The following CHLSN variants were observed in gnomAD, a reference collection of about 807,000 sequenced individuals.
CHLSN encodes the protein protein cholesin.
chr7:1,037,168 A>G, the CHLSN span, among the ~76,000 whole-genome samples: 1 of 146,306 alleles, frequency 6.8e-6, no homozygotes, highest in Non-Finnish European at 1.5e-5. Context: ...AGTCTGATAA[A>G]GGGCATCTAC....
chr7:1,005,155 G>A, the CHLSN span, among the ~76,000 whole-genome samples: 1 of 152,222 alleles, frequency 6.6e-6, no homozygotes, highest in Non-Finnish European at 1.5e-5. Context: ...GCCGGGCGTG[G>A]TGTCGGATGC....
chr7:1,120,977 A>C, the CHLSN span, among the ~76,000 whole-genome samples: 1 of 152,012 alleles, frequency 6.6e-6, no homozygotes. Context: ...GACAGCCCAT[A>C]AACTATTACT....
the CHLSN span, among the ~76,000 whole-genome samples, chr7:1,088,935 C>T: frequency 2.6e-5 from 4 of 151,868 alleles, no homozygotes; most frequent in African/African-American, 7.3e-5. The surrounding 1 kb of genome is among the most constrained non-coding windows in gnomAD (Gnocchi z 4.5). Flanking sequence ...TGTCTGGCAA[C>T]GATCAAAAGA....
chr7:1,032,191 C>T, the CHLSN span, among the ~76,000 whole-genome samples: 7 of 152,230 alleles, frequency 4.6e-5, no homozygotes, highest in African/African-American at 1.7e-4. Context: ...GAACTGCTCC[C>T]GGCCCACGGG....
chr7:1,070,155 C>G, the CHLSN span, among the ~76,000 whole-genome samples: 1 of 102,956 alleles, frequency 9.7e-6, no homozygotes, highest in Non-Finnish European at 2.1e-5. Context: ...CGCCCGGCAG[C>G]TGCCCCGTCT....
At chr7:989,166 G>C in the CHLSN span, 16 of 323,688 alleles carry the variant, frequency 4.9e-5, no homozygotes, top group African/African-American at 3.4e-4. Context: ...GGGGCTGCAG[G>C]GAGACAACGG....
chr7:1,095,231 T>G, the CHLSN span, among the ~76,000 whole-genome samples: 1 of 151,932 alleles, frequency 6.6e-6, no homozygotes, highest in East Asian at 1.9e-4. Context: ...TCCCCAGGGA[T>G]GTACTCGCTC....
At chr7:1,088,543 CG>C in the CHLSN span, among the ~76,000 whole-genome samples, 1 of 152,298 alleles carries the variant, frequency 6.6e-6, no homozygotes, top group East Asian at 1.9e-4. The surrounding 1 kb of genome is among the most constrained non-coding windows in gnomAD (Gnocchi z 4.5). Context: ...TTTGCCTGGA[CG>C]GCCTTTCTAA....
the CHLSN span, among the ~76,000 whole-genome samples, chr7:1,034,456 G>A: frequency 6.6e-6 from 1 of 151,922 alleles, no homozygotes; most frequent in Non-Finnish European, 1.5e-5. Context: ...AAAGTAACAA[G>A]GATAGCTAAA....
chr7:1,123,913 C>T, the CHLSN span, among the ~76,000 whole-genome samples: 3 of 151,988 alleles, frequency 2.0e-5, no homozygotes, highest in South Asian at 2.1e-4. This position sits in a 1 kb window ranked among gnomAD's most constrained non-coding sequence, Gnocchi z 4.4. Context: ...GCCCTCTTCC[C>T]GCTGCCAGCT....
the CHLSN span, among the ~76,000 whole-genome samples, chr7:1,034,231 A>G: frequency 1.3e-5 from 2 of 152,230 alleles, no homozygotes; most frequent in Non-Finnish European, 2.9e-5. Context: ...ATGGGACTTA[A>G]ATGCTAAAAA....
At chr7:1,009,118 C>A in the CHLSN span, among the ~76,000 whole-genome samples, 1 of 152,196 alleles carries the variant, frequency 6.6e-6, no homozygotes, top group African/African-American at 2.4e-5. Flanking sequence ...AGCTGCACAG[C>A]CACACTGGGG....
chr7:1,089,457 GGCT>G, the CHLSN span, among the ~76,000 whole-genome samples: 2 of 19,938 alleles, frequency 1.0e-4, no homozygotes, highest in African/African-American at 1.1e-3. Flanking sequence ...GTGTGATCTC[GGCT>G]GAGGCTCGAG....
the CHLSN span, among the ~76,000 whole-genome samples, chr7:1,015,977 A>G: frequency 6.6e-6 from 1 of 152,130 alleles, no homozygotes; most frequent in Non-Finnish European, 1.5e-5. Flanking sequence ...CTGTCTGGGC[A>G]GGACCATCTA....
chr7:1,021,845 C>T, the CHLSN span, among the ~76,000 whole-genome samples: 54 of 152,374 alleles, frequency 3.5e-4, no homozygotes, highest in African/African-American at 8.2e-4. Flanking sequence ...CTGGGATGCG[C>T]GCCCTTCCGC....
chr7:991,059 G>GC, the CHLSN span, among the ~76,000 whole-genome samples: 1 of 152,054 alleles, frequency 6.6e-6, no homozygotes, highest in Admixed American at 6.5e-5. Flanking sequence ...GGACCCTCGG[G>GC]CCCCCGCCTT....
At chr7:1,050,063 C>T in the CHLSN span, among the ~76,000 whole-genome samples, 1 of 152,250 alleles carries the variant, frequency 6.6e-6, no homozygotes, top group Non-Finnish European at 1.5e-5. Context: ...GCCCCCTCAG[C>T]GGGCCCCACT....
chr7:987,371 G>A, the CHLSN span: 878 of 1,591,762 alleles, frequency 5.5e-4, 9 homozygotes, highest in African/African-American at 9.9e-3. Context: ...GAGCTAGACC[G>A]CGTGCTGGGC....
At chr7:1,116,695 C>T in the CHLSN span, among the ~76,000 whole-genome samples, 6 of 44,324 alleles carry the variant, frequency 1.4e-4, no homozygotes, top group African/African-American at 2.5e-4. Flanking sequence ...ATCACTACAG[C>T]TCTACGGACC....
Sources: allele counts gnomAD v4.1 joint callset (sites outside exome capture counted in the v4.1 genomes callset), GRCh38; gene constraint gnomAD v4.1.1; non-coding constraint Gnocchi (gnomAD v3.1); transcripts MANE v1.5; gene names NCBI Gene and HGNC (gene_info 2026-07-23, HGNC 2026-07-21).